Variants in UTP20 observed in about 807,000 individuals in gnomAD.
The protein encoded by UTP20 is UTP20 small subunit processome component, also known as small subunit processome component 20 homolog.
In UTP20, 164 loss-of-function variants were observed where a neutral mutation model predicts 329.5. The observed-to-expected ratio is 0.50, with a 90% CI of 0.44 to 0.57. The LOEUF (loss-of-function observed/expected upper bound fraction) is 0.57, where lower values mean the gene tolerates loss of function less well. Ranked by LOEUF, UTP20 falls within the 20% of genes least tolerant of loss-of-function variation. The pLI is 0.00. For synonymous variants in UTP20, 1,151 were observed against 1,159.3 expected (o/e 0.99, Z 0.14); for missense variants, 3,055 against 3,284.2 (o/e 0.93, Z 1.71).
intron 29 of UTP20, among the ~76,000 whole-genome samples, chr12:101,336,062 C>T (rs1173165056): frequency 6.6e-6 from 1 of 152,176 alleles, no homozygotes; most frequent in East Asian, 1.9e-4. Context: ...CCACTTCATT[C>T]TTTTCTGCAA....
In UTP20 at chr12:101,311,569, G is replaced by T. The variant is rs1290925168; in HGVS notation, c.2232-150G>T. 7.9e-6 allele frequency: 5 copies of T among 633,038 alleles called. No individual in the cohort carries two copies. In the South Asian group the frequency reaches 1.1e-4, roughly 14 times the overall value. The allele number at this position is 633,038 out of a possible 1,614,324, so 39.2% of individuals were successfully genotyped here. On this transcript the variant is annotated intron_variant, in intron 19 of 61. Transcript: ENST00000261637. ...CAGTGCAGGCATTTTGAAAAATATA[G>T]AAAAGTGCAAAAGGTGTTTACGACT...
At chr12:101,328,331 T>G (rs1868637726) in intron 26 of UTP20, among the ~76,000 whole-genome samples, 1 of 152,160 alleles carries the variant, frequency 6.6e-6, no homozygotes, top group African/African-American at 2.4e-5. Flanking sequence ...TGACCTCACA[T>G]CAGATGGTTT....
intron 7 of UTP20, among the ~76,000 whole-genome samples, chr12:101,290,492 G>A (rs1872105946): frequency 6.6e-6 from 1 of 152,162 alleles, no homozygotes; most frequent in South Asian, 2.1e-4. Context: ...GGATGCTAGG[G>A]GGTAAGATAA....
chr12:101,298,653 T>G (rs1220290733), intron 12 of UTP20, among the ~76,000 whole-genome samples: 3 of 152,128 alleles, frequency 2.0e-5, no homozygotes, highest in Non-Finnish European at 4.4e-5. Context: ...TAATGACTCA[T>G]TTTTGTTTTT....
chr12:101,323,407 C>T (rs949251893), intron 25 of UTP20, among the ~76,000 whole-genome samples: 6 of 152,112 alleles, frequency 3.9e-5, no homozygotes, highest in Non-Finnish European at 8.8e-5. Flanking sequence ...CTACTTCTTT[C>T]CAACCATAAG....
At chr12:101,349,868 T>C (rs1330670005) in intron 38 of UTP20, among the ~76,000 whole-genome samples, 2 of 152,168 alleles carry the variant, frequency 1.3e-5, no homozygotes, top group Non-Finnish European at 2.9e-5. Flanking sequence ...TTATATTGTT[T>C]TGCTTTGTTT....
At chr12:101,369,119 A>T (rs1435897154) in intron 48 of UTP20, among the ~76,000 whole-genome samples, 1 of 152,226 alleles carries the variant, frequency 6.6e-6, no homozygotes, top group Non-Finnish European at 1.5e-5. Context: ...TGCTGCATAA[A>T]TGCAGAGATG....
At position 101,366,560 on chromosome 12, in the gene UTP20, A is replaced by G. The variant is rs772200066; in HGVS notation, c.6128A>G (p.Asn2043Ser). The change falls in exon 47 of 62, where the codon AAT becomes AGT. Residue 2043 changes from asparagine (N) to serine (S), a missense_variant and splice_region_variant. Physicochemically the swap from Asn to Ser is conservative, Grantham distance 46. Transcript: ENST00000261637. ...NLPLLTEKEKNPVAPAPDPRL... is the reference protein window; with the variant it reads ...NLPLLTEKEKSPVAPAPDPRL... ...TTCTCATGCCACGTGATTGACAGAA[A>G]TCCAGTAGCCCCAGCACCAGATCCA... 6.2e-7 allele frequency: 1 copy of G among 1,610,230 alleles called. No homozygotes were observed. The highest frequency in any genetic ancestry group is 2.2e-5 in the East Asian group (1 of 44,832).
chr12:101,309,402 G>A (rs1026748449), intron 18 of UTP20, among the ~76,000 whole-genome samples: 1 of 152,148 alleles, frequency 6.6e-6, no homozygotes. Flanking sequence ...GCGTTCTTCG[G>A]CATGTGTGCA....
intron 11 of UTP20, among the ~76,000 whole-genome samples, chr12:101,293,567 A>G (rs1872243091): frequency 6.6e-6 from 1 of 152,208 alleles, no homozygotes; most frequent in South Asian, 2.1e-4. Context: ...CATTGCTCCA[A>G]AATAAGGTAA....
intron 12 of UTP20, among the ~76,000 whole-genome samples, chr12:101,297,914 G>A (rs1425867209): frequency 6.6e-6 from 1 of 152,144 alleles, no homozygotes; most frequent in Non-Finnish European, 1.5e-5. Flanking sequence ...CTCATGGCAA[G>A]TTCTTCCACT....
chr12:101,352,032 G>A, intron 38 of UTP20, 23 bp from the exon 39 acceptor site: 2 of 1,611,302 alleles, frequency 1.2e-6, no homozygotes, highest in Non-Finnish European at 1.7e-6. Flanking sequence ...GTTCTGCATT[G>A]ATGTTCTTGA....
At chr12:101,358,213 C>T (rs1869791931) in intron 43 of UTP20, among the ~76,000 whole-genome samples, 1 of 152,084 alleles carries the variant, frequency 6.6e-6, no homozygotes, top group African/African-American at 2.4e-5. Flanking sequence ...GTTGCTCTAT[C>T]GATTACCATA....
rs762337652 is a variant in UTP20, at chr12:101,366,586, C to T, written c.6154C>T (p.Arg2052Cys). ...TCCAGTAGCCCCAGCACCAGATCCA[C>T]GTCTACCACCCCAGAGCTGCCTTCT... ...KNPVAPAPDP[R>C]LPPQSCLLLP... The change falls in exon 47 of 62, where the codon CGT becomes TGT. Residue 2052 changes from arginine (R) to cysteine (C), a missense_variant. Arg to Cys is a radical substitution (Grantham distance 180, BLOSUM62 -3). Around this residue, in one of 3 missense-constraint regions of UTP20, gnomAD observed 2,445 missense variants for 2,575.5 expected, o/e 0.95. Coordinates refer to ENST00000261637, the MANE Select transcript of UTP20 (RefSeq NM_014503.3). The T allele has an allele frequency of 1.4e-5, 23 of 1,613,986 alleles. No individual in the cohort carries two copies. The Admixed American group carries it at 1.8e-4, about 13-fold the overall frequency.
rs552660501 is a variant in UTP20 at position 101,329,309 on chromosome 12, C to A, written c.3277C>A (p.Arg1093Ser). The A allele has an allele frequency of 7.4e-6, 12 of 1,614,058 alleles. No homozygotes were observed. In the East Asian group the frequency reaches 2.5e-4, roughly 33 times the overall value. Reference sequence around the variant, plus strand: ...TTTGTCTAAAGTTCTTCCTTTAGGTCGTCAGCACGGTATCTTAAACAGCCT... The same window carrying A: ...TTTGTCTAAAGTTCTTCCTTTAGGTAGTCAGCACGGTATCTTAAACAGCCT... ...LDLSKVLPLG[R>S]QHGILNSLEI... Residue 1093 changes from arginine to serine, a missense_variant, in exon 27 of 62, where the codon CGT becomes AGT. Arg to Ser is a moderately radical substitution (Grantham distance 110, BLOSUM62 -1). This residue lies in a region of UTP20 where 2,445 missense variants were observed against 2,575.5 expected (regional missense o/e 0.95). Coordinates refer to ENST00000261637, the MANE Select transcript of UTP20 (RefSeq NM_014503.3).
intron 15 of UTP20, among the ~76,000 whole-genome samples, chr12:101,302,840 A>G (rs2137244867): frequency 6.6e-6 from 1 of 152,344 alleles, no homozygotes; most frequent in South Asian, 2.1e-4. Flanking sequence ...GTAACGTGGC[A>G]TGATGTTGAC....
chr12:101,352,851 A>AT (rs1474571298), intron 39 of UTP20, among the ~76,000 whole-genome samples, 196 bp from the exon 40 acceptor site: 5 of 152,068 alleles, frequency 3.3e-5, no homozygotes, highest in African/African-American at 7.2e-5. Flanking sequence ...TTTAAAAAAT[A>AT]TTTTGTGAAT....
chr12:101,367,168 T>C (rs10778115), intron 47 of UTP20, among the ~76,000 whole-genome samples: 63,849 of 151,712 alleles, frequency 0.42, 16,620 homozygotes, highest in East Asian at 0.91. Flanking sequence ...ACCTGTAGTC[T>C]TAGTTACTCA....
intron 57 of UTP20, among the ~76,000 whole-genome samples, chr12:101,380,109 G>A (rs764375789): frequency 6.6e-6 from 1 of 152,198 alleles, no homozygotes; most frequent in Non-Finnish European, 1.5e-5. Flanking sequence ...CAGGCATGGT[G>A]ATTCACATCT....
Sources: allele counts gnomAD v4.1 joint callset (sites outside exome capture counted in the v4.1 genomes callset), GRCh38; gene constraint gnomAD v4.1.1; regional missense constraint gnomAD v4.1.1; transcripts MANE v1.5; gene names NCBI Gene and HGNC (gene_info 2026-07-23, HGNC 2026-07-21).